Variants in ADAMTS20 observed in about 807,000 individuals in gnomAD.
ADAMTS20 encodes the protein A disintegrin and metalloproteinase with thrombospondin motifs 20.
Under a neutral mutation model 260.1 loss-of-function variants are expected in ADAMTS20, and 225 were observed. That is an observed-to-expected ratio of 0.87 (90% CI 0.78 to 0.97). The LOEUF is 0.97. ADAMTS20 is among the 50% of genes least tolerant of loss of function. ADAMTS20 has a pLI of 0.00. For synonymous variants in ADAMTS20, 802 were observed against 769.5 expected (o/e 1.04, Z -0.70); for missense variants, 2,400 against 2,337.7 (o/e 1.03, Z -0.55).
intron 7 of ADAMTS20, among the ~76,000 whole-genome samples, chr12:43,488,363 G>T (rs970115246): frequency 6.6e-6 from 1 of 152,050 alleles, no homozygotes; most frequent in East Asian, 1.9e-4. Flanking sequence ...ATCACAGGTG[G>T]CATTTTCCCT....
intron 28 of ADAMTS20, among the ~76,000 whole-genome samples, chr12:43,409,600 T>TTAAAAAA (rs1940989272): frequency 1.1e-4 from 1 of 8,828 alleles, no homozygotes; most frequent in African/African-American, 2.0e-3. Flanking sequence ...AGACTCCGTC[T>TTAAAAAA]CAAAAAAAAA....
At chr12:43,482,051 A>G (rs1029658010) in intron 7 of ADAMTS20, among the ~76,000 whole-genome samples, 2 of 152,170 alleles carry the variant, frequency 1.3e-5, no homozygotes, top group African/African-American at 4.8e-5. Context: ...GCTGCAGCTG[A>G]TTTAGTGAGC....
intron 2 of ADAMTS20, among the ~76,000 whole-genome samples, chr12:43,539,753 T>C (rs1943350565): frequency 6.6e-6 from 1 of 152,194 alleles, no homozygotes; most frequent in Non-Finnish European, 1.5e-5. Context: ...AGGGGAAATG[T>C]GATACTATCT....
chr12:43,371,347 T>A (rs569096077), intron 36 of ADAMTS20, among the ~76,000 whole-genome samples: 162 of 152,306 alleles, frequency 1.1e-3, no homozygotes, highest in Non-Finnish European at 2.1e-3. Flanking sequence ...CAGATACTTA[T>A]TTACAATATA....
At chr12:43,387,026 T>C (rs1057270712) in intron 29 of ADAMTS20, among the ~76,000 whole-genome samples, 10 of 152,202 alleles carry the variant, frequency 6.6e-5, no homozygotes, top group African/African-American at 1.9e-4. Flanking sequence ...GTTTTGTTCC[T>C]TTGCTGGCGA....
intron 16 of ADAMTS20, among the ~76,000 whole-genome samples, chr12:43,442,076 C>G (rs1197544358): frequency 6.6e-6 from 1 of 152,056 alleles, no homozygotes; most frequent in Non-Finnish European, 1.5e-5. Flanking sequence ...CAAAACTTTA[C>G]TGGCTTAGAA....
At chr12:43,372,910 T>C (rs888195911) in intron 36 of ADAMTS20, among the ~76,000 whole-genome samples, 8 of 152,116 alleles carry the variant, frequency 5.3e-5, no homozygotes, top group African/African-American at 1.9e-4. Flanking sequence ...CAGCAGTGAG[T>C]TAGTAGAGTG....
intron 3 of ADAMTS20, among the ~76,000 whole-genome samples, chr12:43,516,964 C>T (rs1943007553): frequency 6.6e-6 from 1 of 151,848 alleles, no homozygotes; most frequent in Non-Finnish European, 1.5e-5. Flanking sequence ...ATTTATATAT[C>T]TATATAATCA....
chr12:43,407,454 A>G (rs1940940442), intron 28 of ADAMTS20, among the ~76,000 whole-genome samples: 1 of 151,638 alleles, frequency 6.6e-6, no homozygotes, highest in South Asian at 2.1e-4. Flanking sequence ...ATCTAACTCA[A>G]TTGGAAGTAA....
intron 28 of ADAMTS20, among the ~76,000 whole-genome samples, chr12:43,414,975 C>T (rs1306702120): frequency 6.6e-6 from 1 of 152,114 alleles, no homozygotes; most frequent in African/African-American, 2.4e-5. Context: ...ATTAATTCAT[C>T]TATTCATAGA....
chr12:43,396,947 G>T (rs928780053), intron 29 of ADAMTS20, among the ~76,000 whole-genome samples: 1 of 152,100 alleles, frequency 6.6e-6, no homozygotes, highest in African/African-American at 2.4e-5. Flanking sequence ...CCATGCCCCC[G>T]TGGCTCCTGC....
intron 7 of ADAMTS20, among the ~76,000 whole-genome samples, chr12:43,477,638 CTTCT>C (rs1303451116): frequency 6.6e-6 from 1 of 152,186 alleles, no homozygotes; most frequent in Non-Finnish European, 1.5e-5. Flanking sequence ...CTCTCTCTCT[CTTCT>C]TTGTCTCTTT....
At chr12:43,527,491 C>G (rs1477188547) in intron 3 of ADAMTS20, among the ~76,000 whole-genome samples, 1 of 151,958 alleles carries the variant, frequency 6.6e-6, no homozygotes, top group Non-Finnish European at 1.5e-5. Context: ...GATAATACAC[C>G]ATAATCAAGA....
At chr12:43,376,778 C>G in intron 32 of ADAMTS20, 125 bp from the exon 33 acceptor site, 1 of 1,098,222 alleles carries the variant, frequency 9.1e-7, no homozygotes, top group Admixed American at 3.0e-5. Context: ...GCTAGATACA[C>G]AGAAGACACA....
intron 18 of ADAMTS20, among the ~76,000 whole-genome samples, chr12:43,436,080 G>C (rs1941549693): frequency 2.0e-5 from 3 of 150,918 alleles, no homozygotes; most frequent in Admixed American, 6.6e-5. Flanking sequence ...CGTAAAAGAA[G>C]AAAAAAAGGA....
At chr12:43,356,313 T>C (rs1432663046) in intron 38 of ADAMTS20, among the ~76,000 whole-genome samples, 171 bp downstream of exon 38, 2 of 152,206 alleles carry the variant, frequency 1.3e-5, no homozygotes, top group Non-Finnish European at 2.9e-5. Context: ...ATGAATCCTG[T>C]TTCATTTCAT....
At chr12:43,359,775 T>C (rs1476137628) in intron 37 of ADAMTS20, among the ~76,000 whole-genome samples, 1 of 152,274 alleles carries the variant, frequency 6.6e-6, no homozygotes, top group Non-Finnish European at 1.5e-5. Context: ...TGTCTGTCTA[T>C]ATGTTTTTGA....
chr12:43,471,746 G>A (rs1371645999), intron 7 of ADAMTS20, among the ~76,000 whole-genome samples: 1 of 143,436 alleles, frequency 7.0e-6, no homozygotes, highest in African/African-American at 2.6e-5. Flanking sequence ...CACATGGCAG[G>A]GTATTCCAAC....
At chr12:43,481,953 T>C (rs950341837) in intron 7 of ADAMTS20, among the ~76,000 whole-genome samples, 6 of 151,790 alleles carry the variant, frequency 4.0e-5, no homozygotes, top group African/African-American at 9.7e-5. Context: ...CAAGGGTGAA[T>C]TGGGGAGAGC....
Sources: gnomAD v4.1 joint callset for allele counts (sites outside exome capture counted in the v4.1 genomes callset) on GRCh38, gnomAD v4.1.1 for gene constraint, MANE v1.5 for transcripts, NCBI Gene and HGNC (gene_info 2026-07-23, HGNC 2026-07-21) for gene names.